Variants in TMEM237 observed in about 807,000 individuals in gnomAD.
The protein encoded by TMEM237 is transmembrane protein 237, also known as amyotrophic lateral sclerosis 2 (juvenile) chromosome region, candidate 4.
In TMEM237, 51 loss-of-function variants were observed where a neutral mutation model predicts 59.1. That is an observed-to-expected ratio of 0.86 (90% CI 0.69 to 1.09). The LOEUF (loss-of-function observed/expected upper bound fraction) is 1.09, where lower values mean the gene tolerates loss of function less well. Among genes scored for constraint, TMEM237 ranks in the 50% least tolerant of loss-of-function variants. The pLI, the probability that TMEM237 is intolerant of heterozygous loss-of-function variation, is 0.00. For synonymous variants in TMEM237, 140 were observed against 166.1 expected, an observed-to-expected ratio of 0.84 and a Z score of 1.21; for missense variants, 475 against 478.3, an observed-to-expected ratio of 0.99 and a Z score of 0.06.
chr2:201,640,991 A>C, intron 1 of TMEM237, 67 bp from the exon 2 acceptor site: 29 of 1,396,042 alleles, frequency 2.1e-5, no homozygotes, highest in Middle Eastern at 2.2e-4. Flanking sequence ...AAATACCATC[A>C]CGCTATTTTT....
Position 201,635,624 on chromosome 2 carries a change from T to C in TMEM237, c.274+1124A>G, listed in dbSNP as rs945238996. Reference sequence around the variant, plus strand: ...TAAAAAATACAAAATTAGCCGAGCATCATGGCAAATGCCTGTAATCCCAGC... The same window carrying C: ...TAAAAAATACAAAATTAGCCGAGCACCATGGCAAATGCCTGTAATCCCAGC... On this transcript the variant is annotated intron_variant, in intron 5 of 12. Transcript: ENST00000409883. This position sits in a 1 kb window ranked among gnomAD's most constrained non-coding sequence, Gnocchi z 4.5. Among the ~76,000 whole-genome samples the C allele has an allele frequency of 3.3e-5, 5 of 152,120 alleles. No homozygotes were observed. The highest frequency in any genetic ancestry group is 1.2e-4 in the African/African-American group (5 of 41,410).
intron 1 of TMEM237, chr2:201,642,978 T>A: frequency 7.7e-7 from 1 of 1,300,498 alleles, no homozygotes; most frequent in Non-Finnish European, 9.7e-7. Context: ...ATTAAAGGAC[T>A]CCGCAGGCGA....
At chr2:201,626,004 T>C (rs201817510) in intron 12 of TMEM237, 22 bp downstream of exon 12, 3 of 1,555,542 alleles carry the variant, frequency 1.9e-6, no homozygotes, top group East Asian at 2.4e-5. Context: ...GATATTCTTA[T>C]GCTATTTTTT....
chr2:201,626,188 G>T lies in TMEM237; in HGVS notation c.1038-41C>A, dbSNP rs1016481933. 8 of 1,592,080 alleles carry T rather than the reference G, an allele frequency of 5.0e-6. No homozygotes were observed. The African/African-American group carries it at 1.1e-4, about 22-fold the overall frequency. On this transcript the variant is annotated intron_variant, in intron 11 of 12. Transcript: ENST00000409883. ...CACTCATTAGAAGTGCCTTCAGTTT[G>T]GTTCATATACACAAATATATCTATT...
chr2:201,643,343 G>GC lies in TMEM237; in HGVS notation c.42+15dup. ...ACCCGCCACCTCTCGAGGCCGACGC[G>GC]CCCCTCGCCGCTCACCAGGTGGCCC... On this transcript the variant is annotated intron_variant, in intron 1 of 12. Transcript: ENST00000409883. This position sits in a 1 kb window ranked among gnomAD's most constrained non-coding sequence, Gnocchi z 4.3. 1 of 1,541,634 alleles carries GC rather than the reference G, an allele frequency of 6.5e-7. No homozygotes were observed. The highest frequency in any genetic ancestry group is 8.7e-7 in the Non-Finnish European group (1 of 1,142,900).
At position 201,624,180 on chromosome 2, in the gene TMEM237, C is replaced by T. The variant is rs1337264764; in HGVS notation, c.*75G>A. Reference sequence around the variant, plus strand: ...AATCTATTACAAATACACATGTATACATCTTATAAAAATACATTTAAAAAC... The same window carrying T: ...AATCTATTACAAATACACATGTATATATCTTATAAAAATACATTTAAAAAC... On this transcript the variant is annotated 3_prime_UTR_variant, in exon 13 of 13. Coordinates refer to ENST00000409883, the MANE Select transcript of TMEM237 (RefSeq NM_001044385.3). 6.5e-6 allele frequency: 7 copies of T among 1,082,340 alleles called. No individual in the cohort carries two copies. The East Asian group carries it at 9.8e-5, about 15-fold the overall frequency. The allele number at this position is 1,082,340 out of a possible 1,614,324, so 67.0% of individuals were successfully genotyped here.
intron 1 of TMEM237, chr2:201,642,641 G>A (rs1486694687): frequency 1.2e-6 from 2 of 1,607,796 alleles, no homozygotes. Flanking sequence ...CGTTTAGCCG[G>A]CCTCGGCGGC....
At chr2:201,641,280 C>T (rs188458405) in intron 1 of TMEM237, among the ~76,000 whole-genome samples, 3 of 152,204 alleles carry the variant, frequency 2.0e-5, no homozygotes, top group Non-Finnish European at 2.9e-5. Flanking sequence ...GAGTGAGCCA[C>T]TACGCCCGGC....
At chr2:201,629,163 C>A in intron 9 of TMEM237, 67 bp downstream of exon 9, 1 of 1,226,784 alleles carries the variant, frequency 8.2e-7, no homozygotes, top group South Asian at 2.2e-5. Flanking sequence ...CTATCATGGT[C>A]AGTGACACAT....
intron 4 of TMEM237, chr2:201,638,386 T>C (rs918956638): frequency 2.0e-5 from 3 of 151,990 alleles, no homozygotes; most frequent in Non-Finnish European, 2.9e-5. Flanking sequence ...GCTGGGAAAA[T>C]GGTAGGTTCC....
chr2:201,642,668 C>T (rs748896432), intron 1 of TMEM237: 18 of 1,606,916 alleles, frequency 1.1e-5, no homozygotes, highest in African/African-American at 4.0e-5. Flanking sequence ...CCCCCAAGCA[C>T]CTGGCGCCCC....
chr2:201,643,082 A>ACTCATCTGAGGCCCGG lies in TMEM237; in HGVS notation c.42+276_42+277insCCGGGCCTCAGATGAG. 1 of 1,058,914 alleles carries ACTCATCTGAGGCCCGG rather than the reference A, an allele frequency of 9.4e-7. No individual in the cohort carries two copies. Among genetic ancestry groups the ACTCATCTGAGGCCCGG allele is most frequent in the Non-Finnish European group, 1.3e-6 (1 of 791,432 alleles). The allele number at this position is 1,058,914 out of a possible 1,614,324, so 65.6% of individuals were successfully genotyped here. A position where few individuals can be genotyped will look rare whatever the true frequency, so the allele number is the denominator to read the frequency against. On this transcript the variant is annotated intron_variant, in intron 1 of 12. Coordinates refer to ENST00000409883, the MANE Select transcript of TMEM237 (RefSeq NM_001044385.3). The surrounding 1 kb of genome is among the most constrained non-coding windows in gnomAD (Gnocchi z 4.3). Reference sequence around the variant, plus strand: ...CGGCACCCGCCGGGCCCCGGGCCTCAGATGAGTGAGGCGTCGTCGTGGCAA... The same window carrying ACTCATCTGAGGCCCGG: ...CGGCACCCGCCGGGCCCCGGGCCTCACTCATCTGAGGCCCGGGATGAGTGAGGCGTCGTCGTGGCAA...
In TMEM237 at chr2:201,627,029, G is replaced by A. The variant is rs947987490; in HGVS notation, c.1037+292C>T. Among the ~76,000 whole-genome samples the A allele has an allele frequency of 4.0e-5, 6 of 151,608 alleles. No homozygotes were observed. The East Asian group carries it at 5.8e-4, about 15-fold the overall frequency. On this transcript the variant is annotated intron_variant, in intron 11 of 12. Coordinates refer to ENST00000409883, the MANE Select transcript of TMEM237 (RefSeq NM_001044385.3). The stretch of plus-strand genomic sequence containing the variant: ...CAGGAGGCGGTGGCTGCAGTGAGCC[G>A]AGATAGTGCCATTGCACTCCAGCAT...
At chr2:201,625,014 G>A (rs78700714) in intron 12 of TMEM237, among the ~76,000 whole-genome samples, 6,574 of 152,232 alleles carry the variant, frequency 0.043, 398 homozygotes, top group African/African-American at 0.14. Flanking sequence ...CAGATAGGTT[G>A]TAAATAGTTG....
rs750583431 is a variant in TMEM237 at position 201,627,355 on chromosome 2, G to C, written c.1003C>G (p.Leu335Val). The change falls in exon 11 of 13, where the codon CTT (leucine) becomes GTT (valine). Residue 335 changes from leucine to valine, a missense_variant. Leu to Val is a conservative substitution (Grantham distance 32, BLOSUM62 1). Transcript: ENST00000409883. ...CCATTAACAGAAGAAGGTGTGTAAAGGTGGATTCTGTCACTTGTCATTTGC... is the reference window on the plus strand; with the variant it reads ...CCATTAACAGAAGAAGGTGTGTAAACGTGGATTCTGTCACTTGTCATTTGC... ...SQQMTSDRIH[L>V]YTPSSVNGSL... 26 of 1,608,668 alleles carry C rather than the reference G, an allele frequency of 1.6e-5. No individual in the cohort carries two copies. The highest frequency in any genetic ancestry group is 2.0e-5 in the Non-Finnish European group (24 of 1,177,532).
chr2:201,630,871 G>A (rs916580280), intron 7 of TMEM237: 1 of 152,066 alleles, frequency 6.6e-6, no homozygotes, highest in African/African-American at 2.4e-5. Flanking sequence ...GCCAAGAACT[G>A]CAAGATCCCT....
chr2:201,624,869 G>T (rs759335319), intron 12 of TMEM237, among the ~76,000 whole-genome samples: 4 of 152,144 alleles, frequency 2.6e-5, no homozygotes, highest in Non-Finnish European at 5.9e-5. Context: ...GAAATATTTA[G>T]ACTGAATACT....
Position 201,620,898 on chromosome 2 carries a change from C to T in TMEM237, c.*3357G>A, listed in dbSNP as rs1480923628. 1 of 152,166 alleles carries T rather than the reference C, an allele frequency of 6.6e-6. No homozygotes were observed. The highest frequency in any genetic ancestry group is 1.9e-4 in the East Asian group (1 of 5,192). The allele number at this position is 152,166 out of a possible 1,614,324, so 9.4% of individuals were successfully genotyped here. A position where few individuals can be genotyped will look rare whatever the true frequency, so the allele number is the denominator to read the frequency against. On this transcript the variant is annotated 3_prime_UTR_variant, in exon 13 of 13. Transcript: ENST00000409883. ...GGCTCACACTGTTAGTTGCTAATCT[C>T]AAAAGATAGAGTTCTTTAGGGGCAG...
chr2:201,632,855 T>A (rs540116876), intron 6 of TMEM237, among the ~76,000 whole-genome samples: 1 of 152,214 alleles, frequency 6.6e-6, no homozygotes, highest in Non-Finnish European at 1.5e-5. Context: ...AATAGTGCTA[T>A]ATATATGACT....
Sources: gnomAD v4.1 joint callset for allele counts (sites outside exome capture counted in the v4.1 genomes callset) on GRCh38, gnomAD v4.1.1 for gene constraint, Gnocchi (gnomAD v3.1) non-coding constraint, MANE v1.5 for transcripts, NCBI Gene and HGNC (gene_info 2026-07-23, HGNC 2026-07-21) for gene names.